The following KRT14 variants were observed in gnomAD, a reference collection of about 807,000 sequenced individuals.
KRT14 encodes keratin, type I cytoskeletal 14.
A neutral mutation model predicts 44.5 loss-of-function variants in KRT14; 30 were observed. The observed-to-expected ratio is 0.67, with a 90% CI of 0.50 to 0.92. The LOEUF is 0.92. Among genes scored for constraint, KRT14 ranks in the 40% least tolerant of loss-of-function variants. KRT14 has a pLI of 0.00. For missense variants in KRT14, 535 were observed against 640.6 expected (o/e 0.84, Z 1.78); for synonymous variants, 241 against 257.6 (o/e 0.94, Z 0.62).
intron 3 of KRT14, 59 bp downstream of exon 3, chr17:41,584,198 A>T: frequency 6.5e-7 from 1 of 1,545,130 alleles, no homozygotes. Flanking sequence ...ATGGGCACGC[A>T]CCACTGTACC....
chr17:41,584,069 C>CT (rs61300844), intron 3 of KRT14, 148 bp from the exon 4 acceptor site: 4,310 of 304,382 alleles, frequency 0.014, 106 homozygotes, highest in Non-Finnish European at 0.017. Flanking sequence ...CTCTCTCTCT[C>CT]TTTTTTTTTT....
At chr17:41,586,203 G>T in intron 1 of KRT14, 107 bp downstream of exon 1, 2 of 1,423,186 alleles carry the variant, frequency 1.4e-6, no homozygotes, top group Non-Finnish European at 2.0e-6. Context: ...GGGATCTGGG[G>T]TGGACTCTGT....
chr17:41,584,506 T>G, intron 2 of KRT14, 93 bp from the exon 3 acceptor site: 1 of 1,456,950 alleles, frequency 6.9e-7, no homozygotes, highest in South Asian at 1.2e-5. Context: ...CCAGAGCTGG[T>G]GCCTTGTGGG....
chr17:41,586,671 G>T lies in KRT14; in HGVS notation c.164C>A (p.Ser55Tyr). The part of the protein sequence containing the change: ...TYGGGLSVSS[S>Y]RFSSGGACGL... ...GCAGGCTCCCCCAGAGGAGAAGCGG[G>T]AGGATGAGACAGACAGGCCGCCCCC... Residue 55 changes from serine to tyrosine, a missense_variant, in exon 1 of 8, where the codon TCC (serine) becomes TAC (tyrosine). Coordinates refer to ENST00000167586, the MANE Select transcript of KRT14 (RefSeq NM_000526.5). 1 of 1,601,056 alleles carries T rather than the reference G, an allele frequency of 6.2e-7. No homozygotes were observed. The highest frequency in any genetic ancestry group is 8.5e-7 in the Non-Finnish European group (1 of 1,173,840).
At chr17:41,583,959 C>G (rs1352009091) in intron 3 of KRT14, 38 bp from the exon 4 acceptor site, 2 of 1,613,178 alleles carry the variant, frequency 1.2e-6, no homozygotes, top group Non-Finnish European at 1.7e-6. Flanking sequence ...AGGAGTTCCA[C>G]CATGGCAGCG....
rs772958899 is a variant in KRT14 at position 41,583,868 on chromosome 17, G to C, written c.819C>G (p.Asp273Glu). 1.2e-6 allele frequency: 2 copies of C among 1,613,956 alleles called. No individual in the cohort carries two copies. Among genetic ancestry groups the C allele is most frequent in the Non-Finnish European group, 1.7e-6 (2 of 1,179,970 alleles). The change falls in exon 4 of 8, where the codon GAC (aspartate) becomes GAG (glutamate). Residue 273 changes from aspartate (D) to glutamate (E), a missense_variant. Transcript: ENST00000167586. ...GGCTCAGGTCCACGCCAGGTGCAGC[G>C]TCCATCTCCACATTGACATCTCCAC... ...QVGGDVNVEMDAAPGVDLSRI... is the reference protein window; with the variant it reads ...QVGGDVNVEMEAAPGVDLSRI...
intron 2 of KRT14, 63 bp downstream of exon 2, chr17:41,584,912 A>G (rs1403479575): frequency 7.9e-7 from 1 of 1,267,796 alleles, no homozygotes; most frequent in African/African-American, 1.5e-5. Flanking sequence ...TTTGGGAAAC[A>G]CTGCTCCAAA....
At position 41,583,533 on chromosome 17, in the gene KRT14, T is replaced by C. The variant is rs746880734; in HGVS notation, c.1053+18A>G. 1 of 1,614,200 alleles carries C rather than the reference T, an allele frequency of 6.2e-7. No individual in the cohort carries two copies. The highest frequency in any genetic ancestry group is 8.5e-7 in the Non-Finnish European group (1 of 1,180,030). On this transcript the variant is annotated intron_variant, in intron 5 of 7. Transcript: ENST00000167586. ...CTGCCAGTCCTGGGTGCACCACCCTTCCTGGCACTATTCCTACCATGCTGA... is the reference window on the plus strand; with the variant it reads ...CTGCCAGTCCTGGGTGCACCACCCTCCCTGGCACTATTCCTACCATGCTGA...
At chr17:41,585,284 G>A (rs1907492892) in intron 1 of KRT14, among the ~76,000 whole-genome samples, 1 of 152,146 alleles carries the variant, frequency 6.6e-6, no homozygotes, top group African/African-American at 2.4e-5. Flanking sequence ...GCTTAGAATC[G>A]AAAGCCCAGG....
At position 41,586,159 on chromosome 17, in the gene KRT14, G is replaced by A. The variant is rs76004252; in HGVS notation, c.525+151C>T. On this transcript the variant is annotated intron_variant, in intron 1 of 7. Transcript: ENST00000167586. ...GGGGAAGGGAAAGCATCTTCTCACT[G>A]ATCAGTCTTAGGGCATCCAAGACCT... 469 of 937,254 alleles carry A rather than the reference G, an allele frequency of 5.0e-4. 1 individual carries two copies. In the African/African-American group the frequency reaches 7.1e-3, roughly 14 times the overall value. The allele number at this position is 937,254 out of a possible 1,614,324, so 58.1% of individuals were successfully genotyped here. A position where few individuals can be genotyped will look rare whatever the true frequency, so the allele number is the denominator to read the frequency against.
intron 5 of KRT14, 30 bp downstream of exon 5, chr17:41,583,521 G>T: frequency 6.2e-7 from 1 of 1,614,140 alleles, no homozygotes. Flanking sequence ...CCAGTCCTGG[G>T]TGCACCACCC....
chr17:41,586,610 GC>G lies in KRT14; in HGVS notation c.224del (p.Ser75ThrfsTer43), dbSNP rs1450870262. The G allele has an allele frequency of 6.2e-7, 1 of 1,611,878 alleles. No individual in the cohort carries two copies. The highest frequency in any genetic ancestry group is 1.3e-5 in the African/African-American group (1 of 74,920). ...LGGGYGGGFS[S>X]SSSSFGSGFG... ...AGCCACTACCAAAGCTGCTGCTGCT[GC>G]TGCTGAAGCCACCGCCATAGCCGCC... is the stretch of plus-strand genomic sequence containing the variant. On this transcript the variant is annotated frameshift_variant, in exon 1 of 8. Coordinates refer to ENST00000167586, the MANE Select transcript of KRT14 (RefSeq NM_000526.5). LOFTEE classifies it high-confidence loss of function.
chr17:41,586,870 G>T lies in KRT14; in HGVS notation c.-36C>A. On this transcript the variant is annotated 5_prime_UTR_variant, in exon 1 of 8. Transcript: ENST00000167586. ...AGGGAGGTGAGCGAGCGAGCAGTTG[G>T]CTGAGTGAAGAGAAGGTGCTCGGGT... 18 of 1,552,010 alleles carry T rather than the reference G, an allele frequency of 1.2e-5. No individual in the cohort carries two copies. Among genetic ancestry groups the T allele is most frequent in the Non-Finnish European group, 1.5e-5 (17 of 1,152,708 alleles).
chr17:41,584,163 C>G, intron 3 of KRT14, 94 bp downstream of exon 3: 1 of 1,210,920 alleles, frequency 8.3e-7, no homozygotes, highest in South Asian at 1.2e-5. Flanking sequence ...ATCCTCCTGT[C>G]TCAGCCTCCC....
Position 41,586,633 on chromosome 17 carries a change from C to T in KRT14, c.202G>A (p.Gly68Ser), listed in dbSNP as rs142137272. The change falls in exon 1 of 8, where the codon GGC (glycine) becomes AGC (serine). Residue 68 changes from glycine (G) to serine (S), a missense_variant. By Grantham distance (56) the Gly-to-Ser change is moderately conservative (BLOSUM62 0). Coordinates refer to ENST00000167586, the MANE Select transcript of KRT14 (RefSeq NM_000526.5). Reference sequence around the variant, plus strand: ...CTGCTGCTGAAGCCACCGCCATAGCCGCCCCCCAGCCCGCAGGCTCCCCCA... The same window carrying T: ...CTGCTGCTGAAGCCACCGCCATAGCTGCCCCCCAGCCCGCAGGCTCCCCCA... ...SSGGACGLGGGYGGGFSSSSS... is the reference protein window; with the variant it reads ...SSGGACGLGGSYGGGFSSSSS... The T allele has an allele frequency of 2.9e-3, 4,708 of 1,608,828 alleles. 14 individuals are homozygous for T. Among genetic ancestry groups the T allele is most frequent in the Admixed American group, 3.5e-3 (208 of 58,892 alleles).
chr17:41,582,807 G>A (rs1907377404), intron 7 of KRT14: 1 of 601,916 alleles, frequency 1.7e-6, no homozygotes, highest in South Asian at 2.0e-5. Context: ...TTCACCCAAT[G>A]GAGTGGTCTC....
chr17:41,586,571 A>G lies in KRT14; in HGVS notation c.264T>C (p.Tyr88=), dbSNP rs376775089. 60 of 1,613,748 alleles carry G rather than the reference A, an allele frequency of 3.7e-5. No homozygotes were observed. The highest frequency in any genetic ancestry group is 5.3e-5 in the African/African-American group (4 of 74,884). ...SSFGSGFGGG[Y]GGGLGAGLGG... is the part of the protein sequence containing the mutation. ...CCAAGCCAGCACCAAGGCCACCACC[A>G]TATCCTCCCCCAAAGCCACTACCAA... is the stretch of plus-strand genomic sequence containing the variant. The change falls in exon 1 of 8, where the codon TAT becomes TAC. Residue 88 remains tyrosine (Y), a synonymous_variant. Coordinates refer to ENST00000167586, the MANE Select transcript of KRT14 (RefSeq NM_000526.5).
chr17:41,586,234 T>A, intron 1 of KRT14, 76 bp downstream of exon 1: 1 of 1,581,682 alleles, frequency 6.3e-7, no homozygotes, highest in East Asian at 2.2e-5. Flanking sequence ...AATCTTAAGG[T>A]CTCAGGGGCC....
chr17:41,583,506 C>G (rs750904552), intron 5 of KRT14, 45 bp downstream of exon 5: 1 of 1,614,198 alleles, frequency 6.2e-7, no homozygotes. Flanking sequence ...GCCGTTCTCT[C>G]CCTGCCAGTC....
Sources: gnomAD v4.1 joint callset for allele counts (sites outside exome capture counted in the v4.1 genomes callset) on GRCh38, gnomAD v4.1.1 for gene constraint, MANE v1.5 for transcripts, NCBI Gene and HGNC (gene_info 2026-07-23, HGNC 2026-07-21) for gene names.